Variants in TTLL13 observed in about 807,000 individuals in gnomAD.
The protein encoded by TTLL13 is tubulin polyglutamylase TTLL13.
At chr15:90,257,746 T>G in the TTLL13 span, 621 of 1,606,780 alleles carry the variant, frequency 3.9e-4, 2 homozygotes, top group African/African-American at 7.3e-3. Context: ...TGTTTTCTCC[T>G]GCTTCCTCTG....
chr15:90,253,033 T>A, the TTLL13 span, among the ~76,000 whole-genome samples: 8 of 152,074 alleles, frequency 5.3e-5, no homozygotes, highest in Non-Finnish European at 2.9e-5. Flanking sequence ...AAAACCAGGT[T>A]CTAGTTTTCT....
chr15:90,257,277 AC>A, the TTLL13 span: 14 of 1,611,438 alleles, frequency 8.7e-6, no homozygotes, highest in East Asian at 2.9e-4. Context: ...AGCCATAACA[AC>A]CTGGTAAGGG....
the TTLL13 span, chr15:90,258,160 A>G: frequency 1.2e-5 from 19 of 1,612,500 alleles, no homozygotes; most frequent in Non-Finnish European, 8.5e-7. Flanking sequence ...CTACGCCACA[A>G]CTACCGAACC....
the TTLL13 span, chr15:90,256,425 G>A: frequency 6.0e-6 from 7 of 1,175,354 alleles, no homozygotes; most frequent in Non-Finnish European, 6.0e-6. Flanking sequence ...TTTTCCTGGA[G>A]GCAGTATCCA....
chr15:90,264,093 A>AT, the TTLL13 span: 22 of 1,346,280 alleles, frequency 1.6e-5, no homozygotes, highest in African/African-American at 3.0e-4. Flanking sequence ...TCATTTTGAC[A>AT]TATGTAAATC....
chr15:90,251,199 C>T, the TTLL13 span, among the ~76,000 whole-genome samples: 3 of 146,892 alleles, frequency 2.0e-5, no homozygotes, highest in Non-Finnish European at 4.5e-5. Flanking sequence ...CGGCAAGCTC[C>T]GCCTCCCGGG....
At chr15:90,251,167 A>G in the TTLL13 span, among the ~76,000 whole-genome samples, 33,329 of 129,002 alleles carry the variant, frequency 0.26, 5,348 homozygotes, top group East Asian at 0.68. Context: ...AGGCTGGAGT[A>G]CAGTGGCGTG....
the TTLL13 span, chr15:90,249,769 G>A: frequency 2.6e-5 from 4 of 152,276 alleles, no homozygotes; most frequent in Non-Finnish European, 4.4e-5. Context: ...GGCGGCTAGG[G>A]GCGGACCCAG....
At chr15:90,258,424 A>AC in the TTLL13 span, 1 of 694,206 alleles carries the variant, frequency 1.4e-6, no homozygotes, top group Non-Finnish European at 2.4e-6. Flanking sequence ...TAAGATCTCT[A>AC]CCCTTTTGAC....
chr15:90,263,933 G>T, the TTLL13 span: 1 of 1,507,902 alleles, frequency 6.6e-7, no homozygotes, highest in Non-Finnish European at 8.9e-7. Context: ...CATGTTCCCC[G>T]GTACCATCTG....
At chr15:90,256,547 T>TTCTTTCTTTCTTTCTTTCTTTC in the TTLL13 span, among the ~76,000 whole-genome samples, 2 of 23,526 alleles carry the variant, frequency 8.5e-5, no homozygotes, top group African/African-American at 4.3e-4. Flanking sequence ...TCCTTCCTTT[T>TTCTTTCTTTCTTTCTTTCTTTC]TCTTTCTTTC....
the TTLL13 span, chr15:90,263,233 G>A: frequency 8.2e-7 from 1 of 1,221,414 alleles, no homozygotes; most frequent in South Asian, 1.6e-5. Flanking sequence ...AAGGAGGCTT[G>A]TGTGATGGTA....
the TTLL13 span, chr15:90,251,607 C>A: frequency 1.2e-6 from 2 of 1,613,454 alleles, no homozygotes; most frequent in Non-Finnish European, 1.7e-6. Context: ...AAGCACCCAG[C>A]CCGTCGCTCA....
chr15:90,254,403 G>A, the TTLL13 span, among the ~76,000 whole-genome samples: 1 of 141,334 alleles, frequency 7.1e-6, no homozygotes, highest in Non-Finnish European at 1.5e-5. Context: ...TGAGGCAGGA[G>A]AATCACTTGA....
At chr15:90,251,029 C>G in the TTLL13 span, 1 of 1,148,964 alleles carries the variant, frequency 8.7e-7, no homozygotes. Flanking sequence ...TGTCATTAAC[C>G]CTTTGATACA....
chr15:90,264,527 C>G, the TTLL13 span, among the ~76,000 whole-genome samples: 1 of 152,082 alleles, frequency 6.6e-6, no homozygotes, highest in Non-Finnish European at 1.5e-5. Context: ...AAATACAGTC[C>G]CAGCACTCAA....
the TTLL13 span, chr15:90,257,140 C>T: frequency 6.2e-7 from 1 of 1,613,106 alleles, no homozygotes; most frequent in African/African-American, 1.3e-5. Flanking sequence ...GCTCCCAGCC[C>T]CTCCTCATTG....
At chr15:90,257,777 A>G in the TTLL13 span, 1 of 1,561,706 alleles carries the variant, frequency 6.4e-7, no homozygotes, top group Non-Finnish European at 8.8e-7. Flanking sequence ...CCACAGTCCC[A>G]GTAGCCCATG....
At chr15:90,259,067 T>TA in the TTLL13 span, 30 of 1,479,186 alleles carry the variant, frequency 2.0e-5, no homozygotes, top group Admixed American at 2.5e-4. Context: ...ATATTTGCAT[T>TA]AAAAAAATCA....
Sources: allele counts gnomAD v4.1 joint callset (sites outside exome capture counted in the v4.1 genomes callset), GRCh38; gene constraint gnomAD v4.1.1; transcripts MANE v1.5; gene names NCBI Gene and HGNC (gene_info 2026-07-23, HGNC 2026-07-21).